Variants in MMP7 observed in about 807,000 individuals in gnomAD.
MMP7 encodes the protein matrilysin.
Under a neutral mutation model 31.5 loss-of-function variants are expected in MMP7, and 26 were observed. The ratio of observed to expected loss-of-function variants is 0.83; its 90% CI spans 0.61 to 1.15. The LOEUF (loss-of-function observed/expected upper bound fraction) is 1.15. Ranked by LOEUF, MMP7 falls within the 50% of genes most tolerant of loss-of-function variation. The pLI is 0.00. For missense variants in MMP7, 367 were observed against 326.5 expected, an observed-to-expected ratio of 1.12 and a Z score of -0.96; for synonymous variants, 142 against 124.2, an observed-to-expected ratio of 1.14 and a Z score of -0.95.
rs924452450 is a variant in MMP7 at position 102,524,844 on chromosome 11, A to T, written c.613+92T>A. The T allele has an allele frequency of 5.0e-6, 7 of 1,407,980 alleles. No individual in the cohort carries two copies. In the Admixed American group the frequency reaches 1.7e-4, roughly 35 times the overall value. The allele number at this position is 1,407,980 out of a possible 1,614,324, so 87.2% of individuals were successfully genotyped here. On this transcript the variant is annotated intron_variant, in intron 4 of 5. Transcript: ENST00000260227. ...GTGTTTGGCACTTAGCAAGGGCTCA[A>T]TACTTATTATAAATTAATATAATTA...
chr11:102,527,132 A>C, intron 3 of MMP7: 1 of 245,806 alleles, frequency 4.1e-6, no homozygotes, highest in Non-Finnish European at 8.0e-6. Flanking sequence ...CACGTTACAA[A>C]ACAGGGGTTG....
chr11:102,524,127 C>G (rs903847143), intron 4 of MMP7: 1 of 152,198 alleles, frequency 6.6e-6, no homozygotes, highest in East Asian at 1.9e-4. Context: ...AGGAAGCTGC[C>G]TTTAACCTAC....
chr11:102,529,870 C>G (rs1387633941), intron 1 of MMP7, among the ~76,000 whole-genome samples: 1 of 152,164 alleles, frequency 6.6e-6, no homozygotes, highest in Non-Finnish European at 1.5e-5. Context: ...TTTTATAGAA[C>G]TAAGGATTAA....
In MMP7 at chr11:102,527,692, C is replaced by T. The variant is rs373813871; in HGVS notation, c.336-20G>A. 72 of 1,608,464 alleles carry T rather than the reference C, an allele frequency of 4.5e-5. No individual in the cohort carries two copies. In the Admixed American group the frequency reaches 9.4e-4, roughly 21 times the overall value. ...ACGATCCTAGTAGCAAACAAGAAAA[C>T]AATGTTTGACCCCTAGGAAACAGGC... On this transcript the variant is annotated intron_variant, in intron 2 of 5. Transcript: ENST00000260227.
At position 102,524,972 on chromosome 11, in the gene MMP7, C is replaced by G; in HGVS notation, c.577G>C (p.Asp193His). ...GTGLGGDAHF[D>H]EDERWTDGSS... ...CCATCCGTCCAGCGTTCATCCTCAT[C>G]GAAGTGAGCATCTCCTCCGAGACCT... Residue 193 changes from aspartate (D) to histidine (H), a missense_variant, in exon 4 of 6, where the codon GAT becomes CAT. Physicochemically the swap from Asp to His is moderately conservative, Grantham distance 81 (BLOSUM62 -1). Transcript: ENST00000260227. 6.2e-7 allele frequency: 1 copy of G among 1,613,986 alleles called. No homozygotes were observed. The highest frequency in any genetic ancestry group is 8.5e-7 in the Non-Finnish European group (1 of 1,179,980).
At chr11:102,524,833 GCAAGGGCT>G (rs1042887925) in intron 4 of MMP7, 95 bp downstream of exon 4, 5 of 1,324,378 alleles carry the variant, frequency 3.8e-6, no homozygotes, top group Non-Finnish European at 5.0e-6. Flanking sequence ...TTGGCACTTA[GCAAGGGCT>G]CAATACTTAT....
chr11:102,523,387 A>G lies in MMP7; in HGVS notation c.628T>C (p.Tyr210His). ...TGGCCAAGTTCATGAGTTGCAGCAT[A>G]CAGGAAGTTAATCCCTACAACCGAA... Reference protein sequence around the residue: ...DGSSLGINFLYAATHELGHSL... With the variant: ...DGSSLGINFLHAATHELGHSL... Residue 210 changes from tyrosine (Y) to histidine (H), a missense_variant, in exon 5 of 6, where the codon TAT (tyrosine) becomes CAT (histidine). By Grantham distance (83) the Tyr-to-His change is moderately conservative (BLOSUM62 2). Coordinates refer to ENST00000260227, the MANE Select transcript of MMP7 (RefSeq NM_002423.5). 3 of 1,604,828 alleles carry G rather than the reference A, an allele frequency of 1.9e-6. No homozygotes were observed. The highest frequency in any genetic ancestry group is 1.7e-4 in the Middle Eastern group (1 of 6,030).
At chr11:102,526,240 A>ATATTTTTT (rs1437244210) in intron 3 of MMP7, among the ~76,000 whole-genome samples, 1 of 131,492 alleles carries the variant, frequency 7.6e-6, no homozygotes, top group African/African-American at 2.9e-5. Context: ...ATATATATAT[A>ATATTTTTT]TTTTTTTTTT....
At position 102,523,302 on chromosome 11, in the gene MMP7, T is replaced by C; in HGVS notation, c.713A>G (p.Asn238Ser). 6.2e-7 allele frequency: 1 copy of C among 1,612,820 alleles called. No individual in the cohort carries two copies. The highest frequency in any genetic ancestry group is 1.1e-5 in the South Asian group (1 of 90,830). The stretch of plus-strand genomic sequence containing the variant: ...AAGTTTAAAATTTTGGGGATCTCCA[T>C]TTCCATAGGTTGGATACATCACTGC... The part of the protein sequence containing the change: ...PNAVMYPTYG[N>S]GDPQNFKLSQ... The change falls in exon 5 of 6, where the codon AAT becomes AGT. Residue 238 changes from asparagine to serine, a missense_variant. Coordinates refer to ENST00000260227, the MANE Select transcript of MMP7 (RefSeq NM_002423.5).
intron 1 of MMP7, among the ~76,000 whole-genome samples, chr11:102,528,322 G>A (rs1315151800): frequency 6.6e-6 from 1 of 152,168 alleles, no homozygotes; most frequent in Non-Finnish European, 1.5e-5. Context: ...GTCCTCAGGG[G>A]TACGACTGGG....
intron 1 of MMP7, among the ~76,000 whole-genome samples, chr11:102,528,227 A>G (rs891013156): frequency 5.9e-5 from 9 of 152,362 alleles, no homozygotes; most frequent in Admixed American, 2.0e-4. Context: ...TAAAAAATCC[A>G]TTTAAATGTT....
chr11:102,524,789 T>C, intron 4 of MMP7, 147 bp downstream of exon 4: 1 of 829,466 alleles, frequency 1.2e-6, no homozygotes, highest in Non-Finnish European at 1.7e-6. Flanking sequence ...GTATATTACA[T>C]GAAATAATGC....
Position 102,524,950 on chromosome 11 carries a change from T to C in MMP7, c.599A>G (p.Asp200Gly), listed in dbSNP as rs181535515. 1.5e-5 allele frequency: 24 copies of C among 1,613,766 alleles called. No individual in the cohort carries two copies. The highest frequency in any genetic ancestry group is 1.3e-5 in the African/African-American group (1 of 74,884). ...AGATGCTATACCTAGACTGCTACCATCCGTCCAGCGTTCATCCTCATCGAA... is the reference window on the plus strand; with the variant it reads ...AGATGCTATACCTAGACTGCTACCACCCGTCCAGCGTTCATCCTCATCGAA... The part of the protein sequence containing the change: ...AHFDEDERWT[D>G]GSSLGINFLY... Residue 200 changes from aspartate to glycine, a missense_variant, in exon 4 of 6, where the codon GAT (aspartate) becomes GGT (glycine). By Grantham distance (94) the Asp-to-Gly change is moderately conservative (BLOSUM62 -1). Transcript: ENST00000260227.
intron 3 of MMP7, among the ~76,000 whole-genome samples, chr11:102,526,161 CAT>C (rs1379601273): frequency 2.0e-5 from 3 of 148,572 alleles, no homozygotes; most frequent in Admixed American, 6.7e-5. Context: ...CACACACACA[CAT>C]ATATAACACA....
chr11:102,526,234 ATATATATT>A (rs1858670676), intron 3 of MMP7, among the ~76,000 whole-genome samples: 1 of 132,332 alleles, frequency 7.6e-6, no homozygotes, highest in South Asian at 2.4e-4. Context: ...AAATATATAT[ATATATATT>A]TTTTTTTTTT....
intron 1 of MMP7, among the ~76,000 whole-genome samples, chr11:102,528,986 A>G (rs949559748): frequency 6.6e-6 from 1 of 152,220 alleles, no homozygotes; most frequent in African/African-American, 2.4e-5. Flanking sequence ...TAAATTGCAC[A>G]AGATCACCTT....
Position 102,524,991 on chromosome 11 carries a change from G to A in MMP7, c.558C>T (p.Leu186=), listed in dbSNP as rs769125876. ...CCTCATCGAAGTGAGCATCTCCTCC[G>A]AGACCTGTCCCAGGCGCAAAGGCAT... The part of the protein sequence containing the change: ...LAHAFAPGTG[L]GGDAHFDEDE... Residue 186 remains leucine, a synonymous_variant, in exon 4 of 6, where the codon CTC becomes CTT. Coordinates refer to ENST00000260227, the MANE Select transcript of MMP7 (RefSeq NM_002423.5). 6.8e-6 allele frequency: 11 copies of A among 1,613,948 alleles called. No homozygotes were observed. The highest frequency in any genetic ancestry group is 1.1e-5 in the South Asian group (1 of 91,058).
rs1261138736 is a variant in MMP7, at chr11:102,527,850, A to C, written c.242T>G (p.Ile81Arg). 6.2e-7 allele frequency: 1 copy of C among 1,614,178 alleles called. No individual in the cohort carries two copies. Among genetic ancestry groups the C allele is most frequent in the Non-Finnish European group, 8.5e-7 (1 of 1,180,006 alleles). Residue 81 changes from isoleucine (I) to arginine (R), a missense_variant, in exon 2 of 6, where the codon ATA (isoleucine) becomes AGA (arginine). Physicochemically the swap from Ile to Arg is moderately conservative, Grantham distance 97. Coordinates refer to ENST00000260227, the MANE Select transcript of MMP7 (RefSeq NM_002423.5). ...TGMLNSRVIE[I>R]MQKPRCGVPD... ...CACTCCACATCTGGGCTTCTGCATT[A>C]TTTCTATGACGCGGGAGTTTAACAT...
chr11:102,522,961 G>T (rs1858629643), intron 5 of MMP7, among the ~76,000 whole-genome samples: 1 of 152,202 alleles, frequency 6.6e-6, no homozygotes, highest in African/African-American at 2.4e-5. Context: ...GAGAGGAAGA[G>T]CAGTGGGTGG....
Sources: gnomAD v4.1 joint callset for allele counts (sites outside exome capture counted in the v4.1 genomes callset) on GRCh38, gnomAD v4.1.1 for gene constraint, MANE v1.5 for transcripts, NCBI Gene and HGNC (gene_info 2026-07-23, HGNC 2026-07-21) for gene names.